Variants in ZNF677 observed in about 807,000 individuals in gnomAD.
The protein encoded by ZNF677 is hypothetical protein MGC48625.
Under a neutral mutation model 8.1 loss-of-function variants are expected in ZNF677, and 5 were observed. The ratio of observed to expected loss-of-function variants is 0.62; its 90% CI spans 0.32 to 1.29. The LOEUF (loss-of-function observed/expected upper bound fraction) is 1.29. Among genes scored for constraint, ZNF677 ranks in the 50% most tolerant of loss-of-function variants. The probability of loss-of-function intolerance (pLI) is 0.05; values close to 1 mark genes in which losing one functional copy is unlikely to be tolerated. For synonymous variants in ZNF677, 221 were observed against 225.6 expected, an observed-to-expected ratio of 0.98 and a Z score of 0.18; for missense variants, 685 against 685.9, an observed-to-expected ratio of 1.00 and a Z score of 0.01.
chr19:53,253,855 G>A (rs568769502), intron 1 of ZNF677, among the ~76,000 whole-genome samples: 319 of 152,068 alleles, frequency 2.1e-3, no homozygotes, highest in Middle Eastern at 6.8e-3. Flanking sequence ...AATGACACAA[G>A]CCACACACAA....
At chr19:53,239,982 T>C (rs938301325) in intron 4 of ZNF677, 1 of 152,106 alleles carries the variant, frequency 6.6e-6, no homozygotes, top group African/African-American at 2.4e-5. Context: ...ACGAGGAGTG[T>C]AGGAAGAAAT....
At chr19:53,246,916 C>T (rs2091152878) in intron 3 of ZNF677, among the ~76,000 whole-genome samples, 1 of 152,092 alleles carries the variant, frequency 6.6e-6, no homozygotes, top group African/African-American at 2.4e-5. Context: ...AAAAAACTTT[C>T]TGAGGCAATG....
In ZNF677 at chr19:53,251,581, G is replaced by A. The variant is rs2091234719; in HGVS notation, c.-31C>T. On this transcript the variant is annotated 5_prime_UTR_variant, in exon 3 of 5. An upstream open reading frame in the 5' UTR gains an earlier in-frame stop. Transcript: ENST00000598513. ...CCTCTTCTTTCTTTCCTCTTCCTCT[G>A]AGTTTCTTTCTCAGGTAAGTCAGTC... 3 of 1,613,398 alleles carry A rather than the reference G, an allele frequency of 1.9e-6. No individual in the cohort carries two copies. The highest frequency in any genetic ancestry group is 1.7e-5 in the Admixed American group (1 of 59,972).
intron 1 of ZNF677, among the ~76,000 whole-genome samples, chr19:53,254,206 C>G (rs543034321): frequency 2.0e-5 from 3 of 152,152 alleles, no homozygotes; most frequent in South Asian, 4.2e-4. Context: ...GGTGCCCCCC[C>G]CTTTCTCCAC....
At chr19:53,241,702 C>T in intron 4 of ZNF677, 1 of 393,038 alleles carries the variant, frequency 2.5e-6, no homozygotes, top group Non-Finnish European at 4.5e-6. Flanking sequence ...CTGATTCTCT[C>T]TCAGCATACT....
chr19:53,237,040 T>G lies in ZNF677; in HGVS notation c.1687A>C (p.Lys563Gln), dbSNP rs900567728. Residue 563 changes from lysine (K) to glutamine (Q), a missense_variant, in exon 5 of 5, where the codon AAA becomes CAA. Physicochemically the swap from Lys to Gln is moderately conservative, Grantham distance 53. Transcript: ENST00000598513. Reference protein sequence around the residue: ...FQSSNLGDHQKSYNREKHIKY... With the variant: ...FQSSNLGDHQQSYNREKHIKY... The stretch of plus-strand genomic sequence containing the variant: ...ATATGTTTTTCTCTATTATAACTTT[T>G]TTGATGATCTCCAAGGTTTGAACTT... The G allele has an allele frequency of 6.2e-7, 1 of 1,604,502 alleles. No homozygotes were observed. Among genetic ancestry groups the G allele is most frequent in the African/African-American group, 1.3e-5 (1 of 74,238 alleles).
chr19:53,238,006 T>C lies in ZNF677; in HGVS notation c.721A>G (p.Arg241Gly), dbSNP rs761922600. ...PCVKNICNKYRKILKYPLLHT... is the reference protein window; with the variant it reads ...PCVKNICNKYGKILKYPLLHT... The stretch of plus-strand genomic sequence containing the variant: ...AATAAAGGGTATTTCAAAATCTTCC[T>C]ATATTTATTACAAATGTTTTTGACA... Residue 241 changes from arginine (R) to glycine (G), a missense_variant, in exon 5 of 5, where the codon AGG (arginine) becomes GGG (glycine). Arg to Gly is a moderately radical substitution (Grantham distance 125, BLOSUM62 -2). Transcript: ENST00000598513. 2.5e-6 allele frequency: 4 copies of C among 1,613,482 alleles called. No individual in the cohort carries two copies. The highest frequency in any genetic ancestry group is 3.3e-5 in the Admixed American group (2 of 60,006).
intron 3 of ZNF677, 161 bp from the exon 4 acceptor site, chr19:53,244,058 T>G (rs1568692567): frequency 1.5e-6 from 1 of 666,570 alleles, no homozygotes; most frequent in Non-Finnish European, 2.5e-6. Context: ...TGAAATTACA[T>G]AACATAAAAT....
intron 4 of ZNF677, chr19:53,239,502 GA>G: frequency 6.6e-6 from 1 of 152,134 alleles, no homozygotes; most frequent in East Asian, 1.9e-4. Flanking sequence ...CCCTGACTAG[GA>G]AATGTCATCT....
intron 3 of ZNF677, among the ~76,000 whole-genome samples, chr19:53,246,399 T>G (rs1290066092): frequency 6.6e-6 from 1 of 150,790 alleles, no homozygotes; most frequent in Admixed American, 6.6e-5. Context: ...TGAAGAGAGA[T>G]AGGTACTTCC....
intron 2 of ZNF677, among the ~76,000 whole-genome samples, chr19:53,252,254 T>C (rs1192011302): frequency 6.6e-6 from 1 of 152,162 alleles, no homozygotes; most frequent in Non-Finnish European, 1.5e-5. Context: ...TCTCAAAAAA[T>C]TGCCACATGC....
intron 3 of ZNF677, among the ~76,000 whole-genome samples, chr19:53,246,121 A>G (rs2091134307): frequency 6.6e-6 from 1 of 152,134 alleles, no homozygotes; most frequent in Admixed American, 6.5e-5. Context: ...GATTGAGACC[A>G]TCCTGGCTAA....
Position 53,238,443 on chromosome 19 carries a change from T to C in ZNF677, c.284A>G (p.Asp95Gly). ...CATATTTTCCCAGACTTCCTTGAGG[T>C]CAAAATTGTTGATGCCATGGCTTTC... ...RKESHGINNFDLKEVWENMPK... is the reference protein window; with the variant it reads ...RKESHGINNFGLKEVWENMPK... Residue 95 changes from aspartate to glycine, a missense_variant, in exon 5 of 5, where the codon GAC becomes GGC. By Grantham distance (94) the Asp-to-Gly change is moderately conservative (BLOSUM62 -1). Coordinates refer to ENST00000598513, the MANE Select transcript of ZNF677 (RefSeq NM_182609.4). 6.2e-7 allele frequency: 1 copy of C among 1,613,740 alleles called. No individual in the cohort carries two copies. The highest frequency in any genetic ancestry group is 8.5e-7 in the Non-Finnish European group (1 of 1,179,912).
chr19:53,247,004 C>A (rs991204674), intron 3 of ZNF677, among the ~76,000 whole-genome samples: 18 of 152,206 alleles, frequency 1.2e-4, no homozygotes, highest in African/African-American at 3.6e-4. Flanking sequence ...GTATACATTA[C>A]ATATGTATAG....
At position 53,237,917 on chromosome 19, in the gene ZNF677, C is replaced by T; in HGVS notation, c.810G>A (p.Lys270=). The T allele has an allele frequency of 6.2e-7, 1 of 1,612,580 alleles. No homozygotes were observed. The highest frequency in any genetic ancestry group is 8.5e-7 in the Non-Finnish European group (1 of 1,179,956). The change falls in exon 5 of 5, where the codon AAG becomes AAA. Residue 270 remains lysine (K), a synonymous_variant. Transcript: ENST00000598513. ...EKSYKCNDCG[K]AFSKSSNLTN... ...TGAGGTTCGAACTTTTGCTAAAAGC[C>T]TTTCCACAGTCATTACACTTGTATG...
At chr19:53,246,606 G>C (rs2091147379) in intron 3 of ZNF677, among the ~76,000 whole-genome samples, 1 of 151,856 alleles carries the variant, frequency 6.6e-6, no homozygotes, top group African/African-American at 2.4e-5. Context: ...AATGAAAATG[G>C]AGTATGTTAT....
At chr19:53,247,543 C>T (rs2091165518) in intron 3 of ZNF677, among the ~76,000 whole-genome samples, 1 of 152,178 alleles carries the variant, frequency 6.6e-6, no homozygotes, top group Non-Finnish European at 1.5e-5. Context: ...TATTTCCTTA[C>T]TAATCTTCTG....
At chr19:53,253,430 G>A (rs921380314) in intron 1 of ZNF677, among the ~76,000 whole-genome samples, 20 of 152,254 alleles carry the variant, frequency 1.3e-4, no homozygotes, top group African/African-American at 4.3e-4. Flanking sequence ...GGTGGCTCAC[G>A]CCTGTAATCC....
chr19:53,237,287 A>C lies in ZNF677; in HGVS notation c.1440T>G (p.Thr480=). ...ATTTGTAAGGTTTCTCTCCAGTATG[A>C]GTTCTCTGATGACCCCAAAGGTGTG... The part of the protein sequence containing the change: ...KRSHLWGHQR[T]HTGEKPYKCT... The change falls in exon 5 of 5, where the codon ACT becomes ACG. Residue 480 remains threonine (T), a synonymous_variant. Coordinates refer to ENST00000598513, the MANE Select transcript of ZNF677 (RefSeq NM_182609.4). 1 of 1,613,540 alleles carries C rather than the reference A, an allele frequency of 6.2e-7. No homozygotes were observed. Among genetic ancestry groups the C allele is most frequent in the Non-Finnish European group, 8.5e-7 (1 of 1,179,810 alleles).
Sources: gnomAD v4.1 joint callset for allele counts (sites outside exome capture counted in the v4.1 genomes callset) on GRCh38, gnomAD v4.1.1 for gene constraint, MANE v1.5 for transcripts, NCBI Gene and HGNC (gene_info 2026-07-23, HGNC 2026-07-21) for gene names.